The following LTN1 variants were observed in gnomAD, a reference collection of about 807,000 sequenced individuals.
LTN1 encodes the protein E3 ubiquitin-protein ligase listerin.
In LTN1, 88 loss-of-function variants were observed where a neutral mutation model predicts 201.2. The ratio of observed to expected loss-of-function variants is 0.44; its 90% CI spans 0.37 to 0.52. The LOEUF (loss-of-function observed/expected upper bound fraction) is 0.52. Ranked by LOEUF, LTN1 falls within the 20% of genes least tolerant of loss-of-function variation. The pLI, the probability that LTN1 is intolerant of heterozygous loss-of-function variation, is 0.00. For synonymous variants in LTN1, 645 were observed against 713.5 expected, an observed-to-expected ratio of 0.90 and a Z score of 1.53; for missense variants, 1,752 against 2,038.7, an observed-to-expected ratio of 0.86 and a Z score of 2.71.
At position 28,986,812 on chromosome 21, in the gene LTN1, T is replaced by G; in HGVS notation, c.165A>C (p.Glu55Asp). ...LGYVPAIQGA[E>D]EIDSLVDSDF... ...CAGAATCTACAAGACTGTCAATTTC[T>G]TCAGCTCCTTGAATAGCAGGAACAT... The change falls in exon 2 of 30, where the codon GAA (glutamate) becomes GAC (aspartate). Residue 55 changes from glutamate (E) to aspartate (D), a missense_variant. Coordinates refer to ENST00000361371, the MANE Select transcript of LTN1 (RefSeq NM_015565.3). This position sits in a 1 kb window ranked among gnomAD's most constrained non-coding sequence, Gnocchi z 4.1. The G allele has an allele frequency of 1.2e-6, 2 of 1,613,992 alleles. No individual in the cohort carries two copies. Among genetic ancestry groups the G allele is most frequent in the Non-Finnish European group, 1.7e-6 (2 of 1,179,820 alleles).
At chr21:28,968,247 C>A (rs1327679994) in intron 9 of LTN1, among the ~76,000 whole-genome samples, 1 of 152,072 alleles carries the variant, frequency 6.6e-6, no homozygotes, top group Admixed American at 6.6e-5. Flanking sequence ...ATCTAGTTTT[C>A]TTTGCATCTT....
rs143976914 is a variant in LTN1 at position 28,939,700 on chromosome 21, T to C, written c.4482+1520A>G. Among the ~76,000 whole-genome samples, 48 of 152,348 alleles carry C rather than the reference T, an allele frequency of 3.2e-4. No individual in the cohort carries two copies. In the East Asian group the frequency reaches 8.1e-3, roughly 26 times the overall value. On this transcript the variant is annotated intron_variant, in intron 25 of 29. Coordinates refer to ENST00000361371, the MANE Select transcript of LTN1 (RefSeq NM_015565.3). ...CCAGCTTAATGAAAAAGGTGACACATGGCCATTTTCCTAATTTCTGAATAT... is the reference window on the plus strand; with the variant it reads ...CCAGCTTAATGAAAAAGGTGACACACGGCCATTTTCCTAATTTCTGAATAT...
In LTN1 at chr21:28,945,791, T is replaced by C. The variant is rs1350810548; in HGVS notation, c.3768+16A>G. 2.5e-6 allele frequency: 4 copies of C among 1,609,936 alleles called. No individual in the cohort carries two copies. The highest frequency in any genetic ancestry group is 3.4e-6 in the Non-Finnish European group (4 of 1,177,814). On this transcript the variant is annotated intron_variant, in intron 21 of 29. Coordinates refer to ENST00000361371, the MANE Select transcript of LTN1 (RefSeq NM_015565.3). ...CAAAAACCCACAAGAGGTGATGACA[T>C]ATCGGGTTAATTTACCTCCAACCAA...
At chr21:28,974,780 G>A (rs1031376748) in intron 6 of LTN1, among the ~76,000 whole-genome samples, 1 of 152,164 alleles carries the variant, frequency 6.6e-6, no homozygotes, top group African/African-American at 2.4e-5. Context: ...CCATGCATGT[G>A]CACTCCACTA....
At chr21:28,954,311 A>G (rs1453000832) in intron 16 of LTN1, among the ~76,000 whole-genome samples, 3 of 152,174 alleles carry the variant, frequency 2.0e-5, no homozygotes, top group African/African-American at 7.2e-5. Flanking sequence ...TCCCCCTTCT[A>G]GTAACTGTGT....
At position 28,982,336 on chromosome 21, in the gene LTN1, A is replaced by T. The variant is rs1431019590; in HGVS notation, c.609T>A (p.Pro203=). 1 of 1,613,710 alleles carries T rather than the reference A, an allele frequency of 6.2e-7. No individual in the cohort carries two copies. Among genetic ancestry groups the T allele is most frequent in the Non-Finnish European group, 8.5e-7 (1 of 1,179,732 alleles). The change falls in exon 5 of 30, where the codon CCT becomes CCA. Residue 203 remains proline (P), a synonymous_variant. Transcript: ENST00000361371. The part of the protein sequence containing the change: ...VLQDHLIKET[P]DTLSDPQTVP... ...CTTACTGCGGGTCACTGAGTGTATC[A>T]GGTGTTTCTTTTATAAGATGATCCT...
chr21:28,942,986 T>G (rs1049480628), intron 24 of LTN1, among the ~76,000 whole-genome samples: 7 of 152,044 alleles, frequency 4.6e-5, no homozygotes, highest in African/African-American at 1.7e-4. Context: ...CAATAGATAC[T>G]TGAACCGATA....
At chr21:28,959,742 C>A in intron 12 of LTN1, 45 bp from the exon 13 acceptor site, 1 of 1,433,112 alleles carries the variant, frequency 7.0e-7, no homozygotes, top group East Asian at 2.5e-5. Context: ...AAAATATTAA[C>A]GTGTATTTTT....
At position 28,943,869 on chromosome 21, in the gene LTN1, T is replaced by C. The variant is rs2084316304; in HGVS notation, c.4018A>G (p.Asn1340Asp). Residue 1340 changes from asparagine (N) to aspartate (D), a missense_variant, in exon 23 of 30, where the codon AAT becomes GAT. Physicochemically the swap from Asn to Asp is conservative, Grantham distance 23. Transcript: ENST00000361371. ...TCACACATGGGTTTCAGCATTGCATTCTGAAAGGATGTTTCAGACACATCT... is the reference window on the plus strand; with the variant it reads ...TCACACATGGGTTTCAGCATTGCATCCTGAAAGGATGTTTCAGACACATCT... The part of the protein sequence containing the change: ...NKDVSETSFQ[N>D]AMLKPMCETL... 1 of 1,613,038 alleles carries C rather than the reference T, an allele frequency of 6.2e-7. No individual in the cohort carries two copies. The highest frequency in any genetic ancestry group is 1.1e-5 in the South Asian group (1 of 91,058).
Position 28,959,448 on chromosome 21 carries a change from A to G in LTN1, c.2593+10T>C, listed in dbSNP as rs1212646690. On this transcript the variant is annotated intron_variant, in intron 13 of 29. Transcript: ENST00000361371. Reference sequence around the variant, plus strand: ...ATTCCCAACAAAACATTTGAGCAGTAGGCTATTACCTGGCAAATGTGTTTT... The same window carrying G: ...ATTCCCAACAAAACATTTGAGCAGTGGGCTATTACCTGGCAAATGTGTTTT... 6.2e-7 allele frequency: 1 copy of G among 1,609,318 alleles called. No individual in the cohort carries two copies. Among genetic ancestry groups the G allele is most frequent in the Admixed American group, 1.7e-5 (1 of 59,584 alleles).
intron 6 of LTN1, among the ~76,000 whole-genome samples, chr21:28,980,817 T>C (rs1307212762): frequency 6.6e-6 from 1 of 151,786 alleles, no homozygotes; most frequent in Admixed American, 6.6e-5. Context: ...AATGGAGAGA[T>C]AGACAAAAGG....
rs2084192132 is a variant in LTN1, at chr21:28,929,209, T to C, written c.*1239A>G. 6.6e-6 allele frequency: 1 copy of C among 152,608 alleles called. No homozygotes were observed. Among genetic ancestry groups the C allele is most frequent in the Admixed American group, 6.5e-5 (1 of 15,282 alleles). The allele number at this position is 152,608 out of a possible 1,614,324, so 9.5% of individuals were successfully genotyped here. A position where few individuals can be genotyped will look rare whatever the true frequency, so the allele number is the denominator to read the frequency against. On this transcript the variant is annotated 3_prime_UTR_variant, in exon 30 of 30. Transcript: ENST00000361371. ...CAGTAGATGGAAAGCAGTAATTTTA[T>C]TTATCATGAATTGCTTTTTGCCAAT...
chr21:28,933,609 C>A (rs974859269), intron 27 of LTN1, among the ~76,000 whole-genome samples: 10 of 151,990 alleles, frequency 6.6e-5, no homozygotes, highest in African/African-American at 2.4e-4. Flanking sequence ...ATTTCCTGGG[C>A]AACGACTGAA....
chr21:28,935,764 C>T (rs1218180062), intron 26 of LTN1, among the ~76,000 whole-genome samples: 3 of 149,448 alleles, frequency 2.0e-5, no homozygotes, highest in Admixed American at 6.8e-5. Flanking sequence ...GGCATGAACC[C>T]GGAAGGCGGA....
At position 28,982,297 on chromosome 21, in the gene LTN1, A is replaced by G. The variant is rs1213207961; in HGVS notation, c.629+19T>C. ...AAACAAATCCTTAACATGAGTTACA[A>G]TGAAACAATACAACTTACTGCGGGT... On this transcript the variant is annotated intron_variant, in intron 5 of 29. Transcript: ENST00000361371. 1.3e-6 allele frequency: 2 copies of G among 1,599,626 alleles called. No individual in the cohort carries two copies. The highest frequency in any genetic ancestry group is 2.7e-5 in the African/African-American group (2 of 74,594).
chr21:28,981,291 G>A lies in LTN1; in HGVS notation c.638C>T (p.Pro213Leu). Reference protein sequence around the residue: ...PDTLSDPQTVPEEEREAKFYR... With the variant: ...PDTLSDPQTVLEEEREAKFYR... ...GAATTTAGCTTCTCTTTCTTCCTCT[G>A]GAACAGTTCTTGATATAAAACAAAA... The change falls in exon 6 of 30, where the codon CCA (proline) becomes CTA (leucine). Residue 213 changes from proline to leucine, a missense_variant. Around this residue, in one of 3 missense-constraint regions of LTN1, gnomAD observed 280 missense variants for 375.7 expected, o/e 0.75. Transcript: ENST00000361371. 1 of 1,533,940 alleles carries A rather than the reference G, an allele frequency of 6.5e-7. No homozygotes were observed. The highest frequency in any genetic ancestry group is 8.7e-7 in the Non-Finnish European group (1 of 1,148,112).
chr21:28,965,909 G>T lies in LTN1; in HGVS notation c.2122-3C>A. ...AGAGAATTCCATTTCAAGTCCACCT[G>T]AAAAAAGAAAAAGAGTTAGAAACAA... On this transcript the variant is annotated splice_region_variant and splice_polypyrimidine_tract_variant and intron_variant, in intron 10 of 29. Coordinates refer to ENST00000361371, the MANE Select transcript of LTN1 (RefSeq NM_015565.3). 1.3e-6 allele frequency: 2 copies of T among 1,520,260 alleles called. No individual in the cohort carries two copies. 94.2% of individuals were successfully genotyped at this position (1,520,260 alleles called of 1,614,324 possible).
chr21:28,948,483 G>A (rs1227654301), intron 18 of LTN1, among the ~76,000 whole-genome samples: 2 of 151,522 alleles, frequency 1.3e-5, no homozygotes, highest in Non-Finnish European at 2.9e-5. Context: ...ATGTTAGTCA[G>A]GCTGGTCGCG....
At chr21:28,992,241 G>T (rs1278132889) in intron 1 of LTN1, among the ~76,000 whole-genome samples, 2 of 152,084 alleles carry the variant, frequency 1.3e-5, no homozygotes, top group Non-Finnish European at 2.9e-5. Context: ...GTGGCTGGAT[G>T]AAGTAAGCCA....
Sources: gnomAD v4.1 joint callset for allele counts (sites outside exome capture counted in the v4.1 genomes callset) on GRCh38, gnomAD v4.1.1 for gene constraint, gnomAD v4.1.1 regional missense constraint, Gnocchi (gnomAD v3.1) non-coding constraint, MANE v1.5 for transcripts, NCBI Gene and HGNC (gene_info 2026-07-23, HGNC 2026-07-21) for gene names.